The following RYR2 variants were observed in gnomAD, a reference collection of about 807,000 sequenced individuals.
The protein encoded by RYR2 is cardiac muscle ryanodine receptor-calcium release channel.
In RYR2, 227 loss-of-function variants were observed where a neutral mutation model predicts 601.1. That is an observed-to-expected ratio of 0.38 (90% CI 0.34 to 0.42). The LOEUF (loss-of-function observed/expected upper bound fraction) is 0.42. Ranked by LOEUF, RYR2 falls within the 10% of genes least tolerant of loss-of-function variation. RYR2 has a pLI of 1.00. For synonymous variants in RYR2, 2,223 were observed against 2,175.1 expected (o/e 1.02, Z -0.61); for missense variants, 4,646 against 6,156.5 (o/e 0.75, Z 8.21).
intron 2 of RYR2, among the ~76,000 whole-genome samples, chr1:237,316,035 GGATCA>G (rs2149508865): frequency 6.6e-6 from 1 of 152,164 alleles, no homozygotes; most frequent in South Asian, 2.1e-4. Flanking sequence ...GGGGGCAGGG[GGATCA>G]GGTTAGAGAG....
At chr1:237,825,114 T>C (rs928538667) in intron 101 of RYR2, among the ~76,000 whole-genome samples, 1 of 152,116 alleles carries the variant, frequency 6.6e-6, no homozygotes, top group Non-Finnish European at 1.5e-5. Context: ...GATTCAATGC[T>C]ATCCCCATCA....
intron 1 of RYR2, among the ~76,000 whole-genome samples, chr1:237,093,675 A>G (rs1280455089): frequency 2.6e-5 from 4 of 152,180 alleles, no homozygotes; most frequent in African/African-American, 2.4e-5. Context: ...GAGTTAGGAA[A>G]ATCTCAAGGA....
At chr1:237,501,714 C>T (rs1475672835) in intron 21 of RYR2, among the ~76,000 whole-genome samples, 3 of 152,156 alleles carry the variant, frequency 2.0e-5, no homozygotes, top group Non-Finnish European at 4.4e-5. Context: ...TATCCACGTA[C>T]CAGTTACTTT....
At chr1:237,341,880 C>A (rs1697836883) in intron 3 of RYR2, among the ~76,000 whole-genome samples, 1 of 152,094 alleles carries the variant, frequency 6.6e-6, no homozygotes, top group Middle Eastern at 3.2e-3. Flanking sequence ...GTTCGGTAAT[C>A]CTCCATCCTC....
intron 56 of RYR2, among the ~76,000 whole-genome samples, chr1:237,661,352 G>A (rs556063526): frequency 6.6e-6 from 1 of 152,064 alleles, no homozygotes; most frequent in Admixed American, 6.5e-5. Flanking sequence ...GTCAGGGAGT[G>A]GGGGGCTAGG....
At chr1:237,460,680 C>A (rs965449622) in intron 16 of RYR2, among the ~76,000 whole-genome samples, 2 of 152,266 alleles carry the variant, frequency 1.3e-5, no homozygotes, top group African/African-American at 4.8e-5. Flanking sequence ...GTATTAAAAA[C>A]CAGTGGAACT....
At chr1:237,171,438 T>C (rs1045959977) in intron 1 of RYR2, among the ~76,000 whole-genome samples, 1 of 152,136 alleles carries the variant, frequency 6.6e-6, no homozygotes, top group Admixed American at 6.5e-5. Context: ...CTGTTGATGA[T>C]CACCTCTAGA....
chr1:237,091,872 C>A (rs1572602804), intron 1 of RYR2, among the ~76,000 whole-genome samples: 1 of 152,170 alleles, frequency 6.6e-6, no homozygotes, highest in African/African-American at 2.4e-5. Context: ...ACTGAAGGTG[C>A]CCTGGAAGCA....
intron 1 of RYR2, among the ~76,000 whole-genome samples, chr1:237,223,345 T>A (rs975315179): frequency 6.6e-6 from 1 of 152,194 alleles, no homozygotes. Flanking sequence ...TTAATTCCAT[T>A]CATGAGGGAA....
chr1:237,578,438 C>T (rs1449829929), intron 29 of RYR2, among the ~76,000 whole-genome samples: 9 of 152,110 alleles, frequency 5.9e-5, no homozygotes, highest in Non-Finnish European at 1.3e-4. Flanking sequence ...TTATCTTCTC[C>T]AACTCCCTAG....
chr1:237,461,752 A>G (rs929935834), intron 16 of RYR2, among the ~76,000 whole-genome samples: 3 of 151,794 alleles, frequency 2.0e-5, no homozygotes, highest in Admixed American at 2.0e-4. Context: ...ACATTTATAT[A>G]TTAGTGCAAA....
intron 100 of RYR2, among the ~76,000 whole-genome samples, chr1:237,811,167 C>T (rs1257127293): frequency 6.6e-6 from 1 of 152,096 alleles, no homozygotes; most frequent in African/African-American, 2.4e-5. Flanking sequence ...CAGTTATTCC[C>T]ACAATTAGTA....
At chr1:237,271,028 C>T (rs1450636890) in intron 2 of RYR2, among the ~76,000 whole-genome samples, 1 of 151,954 alleles carries the variant, frequency 6.6e-6, no homozygotes, top group Non-Finnish European at 1.5e-5. Flanking sequence ...ACTCTAAATC[C>T]CAGTTCATGT....
Position 237,602,121 on chromosome 1 carries a change from C to A in RYR2, c.4683+10C>A, listed in dbSNP as rs1169152268. The A allele has an allele frequency of 6.3e-7, 1 of 1,596,520 alleles. No individual in the cohort carries two copies. ...GTTGGGAAGAATAAAGGTAATAAAA[C>A]TTATTCCTGGTATTGTATTTGTATT... On this transcript the variant is annotated intron_variant, in intron 35 of 104. Coordinates refer to ENST00000366574, the MANE Select transcript of RYR2 (RefSeq NM_001035.3).
rs111403082 is a variant in RYR2 at position 237,055,157 on chromosome 1, C to A, written c.48+12588C>A. 3.1e-3 allele frequency among the ~76,000 whole-genome samples: 475 copies of A among 152,198 alleles called. 2 individuals carry two copies. The highest frequency in any genetic ancestry group is 0.011 in the African/African-American group (460 of 41,510). ...AGTGCCATTCCCTTCCTTGATGAGA[C>A]CCTGATGCGAAGGCGGGAAGCACGG... On this transcript the variant is annotated intron_variant, in intron 1 of 104. Coordinates refer to ENST00000366574, the MANE Select transcript of RYR2 (RefSeq NM_001035.3).
At chr1:237,103,790 A>G (rs1668379135) in intron 1 of RYR2, among the ~76,000 whole-genome samples, 1 of 152,178 alleles carries the variant, frequency 6.6e-6, no homozygotes, top group African/African-American at 2.4e-5. Context: ...GCTGGTCTCG[A>G]ACTCCTGACT....
Position 237,756,048 on chromosome 1 carries a change from G to GAA in RYR2, c.11146-232_11146-231dup, listed in dbSNP as rs367766286. 0.023 allele frequency among the ~76,000 whole-genome samples: 3,468 copies of GAA among 148,582 alleles called. 131 individuals are homozygous for GAA. The highest frequency in any genetic ancestry group is 0.079 in the African/African-American group (3,221 of 40,596). The stretch of plus-strand genomic sequence containing the variant: ...GAATGAATCAAATCATTAAAATTGA[G>GAA]AAAAAAAAATCCATGCTGATAAACC... On this transcript the variant is annotated intron_variant, in intron 80 of 104. Coordinates refer to ENST00000366574, the MANE Select transcript of RYR2 (RefSeq NM_001035.3).
At chr1:237,530,952 T>C (rs1473906945) in intron 25 of RYR2, among the ~76,000 whole-genome samples, 1 of 151,994 alleles carries the variant, frequency 6.6e-6, no homozygotes, top group Admixed American at 6.6e-5. Flanking sequence ...ACTAACTGAA[T>C]GACCCTAGGG....
chr1:237,309,987 AC>A (rs972653604), intron 2 of RYR2, among the ~76,000 whole-genome samples: 4 of 151,878 alleles, frequency 2.6e-5, no homozygotes, highest in Non-Finnish European at 5.9e-5. Flanking sequence ...TCCTGCCCAC[AC>A]CTCTCCCTCC....
Sources: gnomAD v4.1 joint callset for allele counts (sites outside exome capture counted in the v4.1 genomes callset) on GRCh38, gnomAD v4.1.1 for gene constraint, MANE v1.5 for transcripts, NCBI Gene and HGNC (gene_info 2026-07-23, HGNC 2026-07-21) for gene names.